Variants in GLB1 observed in about 807,000 individuals in gnomAD.
GLB1 encodes beta-galactosidase.
Under a neutral mutation model 74.0 loss-of-function variants are expected in GLB1, and 56 were observed. The ratio of observed to expected loss-of-function variants is 0.76; its 90% CI spans 0.61 to 0.94. The LOEUF (loss-of-function observed/expected upper bound fraction) is 0.94, where lower values mean the gene tolerates loss of function less well. Ranked by LOEUF, GLB1 falls within the 40% of genes least tolerant of loss-of-function variation. The pLI, the probability that GLB1 is intolerant of heterozygous loss-of-function variation, is 0.00. For synonymous variants in GLB1, 323 were observed against 323.6 expected, an observed-to-expected ratio of 1.00 and a Z score of 0.02; for missense variants, 787 against 845.5, an observed-to-expected ratio of 0.93 and a Z score of 0.86.
rs190698179 is a variant in GLB1, at chr3:33,093,872, G to C, written c.75+3139C>G. On this transcript the variant is annotated intron_variant, in intron 1 of 15. Transcript: ENST00000307363. The surrounding 1 kb of genome is among the most constrained non-coding windows in gnomAD (Gnocchi z 6.0). Reference sequence around the variant, plus strand: ...CCAAGGAAAAGAGATAGGGCTCTTCGGCCACTAAAAAGAACATGGTAAAGA... The same window carrying C: ...CCAAGGAAAAGAGATAGGGCTCTTCCGCCACTAAAAAGAACATGGTAAAGA... 6.2e-7 allele frequency: 1 copy of C among 1,613,640 alleles called. No individual in the cohort carries two copies.
chr3:33,010,174 GC>G (rs2125458337), intron 15 of GLB1, among the ~76,000 whole-genome samples: 1 of 152,336 alleles, frequency 6.6e-6, no homozygotes, highest in Admixed American at 6.5e-5. Flanking sequence ...GCCAAACTAT[GC>G]TCCCAAATGT....
intron 1 of GLB1, chr3:33,077,362 G>A: frequency 1.4e-6 from 2 of 1,394,208 alleles, no homozygotes; most frequent in South Asian, 2.3e-5. Context: ...GATAGGGATG[G>A]TCAATGAGAC....
chr3:33,033,340 G>C lies in GLB1; in HGVS notation c.1069-9015C>G, dbSNP rs554093267. Among the ~76,000 whole-genome samples, 6 of 152,228 alleles carry C rather than the reference G, an allele frequency of 3.9e-5. No individual in the cohort carries two copies. The South Asian group carries it at 1.2e-3, about 32-fold the overall frequency. ...CTTAAACATTTATATAATATTATCAGTAATAAAATGTGAAGCTTTTGTTTT... is the reference window on the plus strand; with the variant it reads ...CTTAAACATTTATATAATATTATCACTAATAAAATGTGAAGCTTTTGTTTT... On this transcript the variant is annotated intron_variant, in intron 10 of 15. Transcript: ENST00000307363.
chr3:33,096,656 C>T, intron 1 of GLB1: 1 of 1,119,822 alleles, frequency 8.9e-7, no homozygotes, highest in Non-Finnish European at 1.1e-6. Context: ...CGGAGGCACC[C>T]TCTAACCCGC....
intron 1 of GLB1, among the ~76,000 whole-genome samples, chr3:33,074,229 G>A (rs1342560023): frequency 1.3e-5 from 2 of 149,900 alleles, no homozygotes; most frequent in Non-Finnish European, 3.0e-5. Context: ...AGCATCCCTG[G>A]AACCGGAGAG....
chr3:32,972,096 C>T, the GLB1 span, among the ~76,000 whole-genome samples: 1 of 152,078 alleles, frequency 6.6e-6, no homozygotes, highest in African/African-American at 2.4e-5. Context: ...CTGAAAGAAT[C>T]ATTAAATACT....
At chr3:32,967,085 GCTCTTCCA>G in the GLB1 span, among the ~76,000 whole-genome samples, 2 of 152,194 alleles carry the variant, frequency 1.3e-5, no homozygotes, top group African/African-American at 4.8e-5. Context: ...TAGGATGTCT[GCTCTTCCA>G]TTTGTATTCA....
the GLB1 span, among the ~76,000 whole-genome samples, chr3:32,986,183 C>T: frequency 1.9e-3 from 284 of 152,358 alleles, 1 homozygote; most frequent in African/African-American, 5.8e-3. Context: ...TGCTCCTGCT[C>T]ATCGTTCAGG....
At position 33,021,634 on chromosome 3, in the gene GLB1, G is replaced by C. The variant is rs1255629134; in HGVS notation, c.1165C>G (p.Leu389Val). 2 of 1,613,936 alleles carry C rather than the reference G, an allele frequency of 1.2e-6. No individual in the cohort carries two copies. Among genetic ancestry groups the C allele is most frequent in the South Asian group, 2.2e-5 (2 of 91,032 alleles). ...LEKLKTVGAA[L>V]DILCPSGPIK... Reference sequence around the variant, plus strand: ...GGCCCAGAGGGACACAGAATGTCCAGAGCTGCTCCCACTGTCTTTAACTGA... The same window carrying C: ...GGCCCAGAGGGACACAGAATGTCCACAGCTGCTCCCACTGTCTTTAACTGA... The change falls in exon 12 of 16, where the codon CTG becomes GTG. Residue 389 changes from leucine (L) to valine (V), a missense_variant. Leu to Val is a conservative substitution (Grantham distance 32). Transcript: ENST00000307363.
intron 2 of GLB1, among the ~76,000 whole-genome samples, chr3:33,069,398 A>C (rs1485520351): frequency 7.1e-6 from 1 of 141,252 alleles, no homozygotes; most frequent in East Asian, 1.9e-4. Context: ...ATAAAGAAAG[A>C]AAAGAAAAGA....
rs397749592 is a variant in GLB1 at position 33,083,790 on chromosome 3, T to TA, written c.76-11078dup. Among the ~76,000 whole-genome samples, 58 of 152,172 alleles carry TA rather than the reference T, an allele frequency of 3.8e-4. No homozygotes were observed. The South Asian group carries it at 6.6e-3, about 17-fold the overall frequency. On this transcript the variant is annotated intron_variant, in intron 1 of 15. Coordinates refer to ENST00000307363, the MANE Select transcript of GLB1 (RefSeq NM_000404.4). Reference sequence around the variant, plus strand: ...CCTAATACTGGCCAATGTAATTTTTTAAAAAGTTATTTATTCAGTTTAGAT... The same window carrying TA: ...CCTAATACTGGCCAATGTAATTTTTTAAAAAAGTTATTTATTCAGTTTAGAT...
rs1417269566 is a variant in GLB1, at chr3:32,997,026, A to G, written c.*19T>C. 1.2e-6 allele frequency: 2 copies of G among 1,614,016 alleles called. No individual in the cohort carries two copies. The highest frequency in any genetic ancestry group is 1.3e-5 in the African/African-American group (1 of 74,918). ...GGTATGTTCAGGGTAGAATCCCTCA[A>G]AGACACAGGCTTTCATCATCATACA... On this transcript the variant is annotated 3_prime_UTR_variant, in exon 16 of 16. Coordinates refer to ENST00000307363, the MANE Select transcript of GLB1 (RefSeq NM_000404.4).
rs116711799 is a variant in GLB1 at position 33,004,583 on chromosome 3, C to T, written c.1735-7239G>A. Among the ~76,000 whole-genome samples, 337 of 152,334 alleles carry T rather than the reference C, an allele frequency of 2.2e-3. 1 individual carries two copies. The highest frequency in any genetic ancestry group is 7.7e-3 in the African/African-American group (321 of 41,574). Reference sequence around the variant, plus strand: ...AATCACCAAATCCCACTGGGGCTTCCTCAGCCATGTCTGTGCCTTTCTCAG... The same window carrying T: ...AATCACCAAATCCCACTGGGGCTTCTTCAGCCATGTCTGTGCCTTTCTCAG... On this transcript the variant is annotated intron_variant, in intron 15 of 15. Transcript: ENST00000307363.
At chr3:33,057,750 C>T (rs1455806047) in intron 6 of GLB1, among the ~76,000 whole-genome samples, 1 of 152,196 alleles carries the variant, frequency 6.6e-6, no homozygotes, top group African/African-American at 2.4e-5. Context: ...CCAGACACAG[C>T]CTAAAAGGTG....
chr3:32,982,521 AAGAC>A, the GLB1 span, among the ~76,000 whole-genome samples: 2 of 152,112 alleles, frequency 1.3e-5, no homozygotes, highest in Non-Finnish European at 2.9e-5. Context: ...AAAAACCACA[AAGAC>A]AAACAACTAA....
intron 2 of GLB1, among the ~76,000 whole-genome samples, chr3:33,072,251 G>A (rs1391482436): frequency 6.6e-6 from 1 of 152,136 alleles, no homozygotes; most frequent in African/African-American, 2.4e-5. Context: ...AGTATAAAGT[G>A]CCCTGTATCT....
At chr3:33,008,260 G>C (rs1026565870) in intron 15 of GLB1, among the ~76,000 whole-genome samples, 2 of 152,154 alleles carry the variant, frequency 1.3e-5, no homozygotes, top group Non-Finnish European at 2.9e-5. Flanking sequence ...TTTGTGTTTA[G>C]GTCCTAGAGC....
chr3:33,075,915 G>T (rs1700085228), intron 1 of GLB1, among the ~76,000 whole-genome samples: 1 of 152,016 alleles, frequency 6.6e-6, no homozygotes, highest in South Asian at 2.1e-4. Flanking sequence ...CGTGGTGGTA[G>T]GTGCCTGTAG....
chr3:33,048,812 G>A (rs554755230), intron 9 of GLB1, among the ~76,000 whole-genome samples: 2 of 152,272 alleles, frequency 1.3e-5, no homozygotes, highest in African/African-American at 4.8e-5. Flanking sequence ...TCCAGTCCAA[G>A]CTTCACCCCT....
Sources: gnomAD v4.1 joint callset for allele counts (sites outside exome capture counted in the v4.1 genomes callset) on GRCh38, gnomAD v4.1.1 for gene constraint, Gnocchi (gnomAD v3.1) non-coding constraint, MANE v1.5 for transcripts, NCBI Gene and HGNC (gene_info 2026-07-23, HGNC 2026-07-21) for gene names.